ANK2: variants seen among roughly 807,000 people sequenced by gnomAD.
The protein encoded by ANK2 is ankyrin-2.
ANK2 carries 83 observed loss-of-function variants against 360.5 expected under a neutral mutation model. The observed-to-expected ratio is 0.23, with a 90% CI of 0.19 to 0.28. The LOEUF (loss-of-function observed/expected upper bound fraction) is 0.28, where lower values mean the gene tolerates loss of function less well. Ranked by LOEUF, ANK2 falls within the 10% of genes least tolerant of loss-of-function variation. The probability of loss-of-function intolerance (pLI) is 1.00; values close to 1 mark genes in which losing one functional copy is unlikely to be tolerated. For missense variants in ANK2, 4,201 were observed against 4,795.7 expected (o/e 0.88, Z 3.66); for synonymous variants, 1,740 against 1,759.5 (o/e 0.99, Z 0.28).
At chr4:112,934,139 G>C (rs2093519093) in intron 2 of ANK2, among the ~76,000 whole-genome samples, 1 of 152,070 alleles carries the variant, frequency 6.6e-6, no homozygotes, top group East Asian at 1.9e-4. Context: ...ACAGAATTGT[G>C]ACCAATTTAT....
chr4:113,341,638 C>A, intron 32 of ANK2, 50 bp from the exon 33 acceptor site: 2 of 1,580,072 alleles, frequency 1.3e-6, no homozygotes, highest in Non-Finnish European at 1.7e-6. Context: ...TTTTATTTTT[C>A]ACATGGTATA....
intron 2 of ANK2, among the ~76,000 whole-genome samples, chr4:112,969,853 TAGG>T (rs1260057286): frequency 1.3e-5 from 2 of 152,212 alleles, no homozygotes; most frequent in African/African-American, 4.8e-5. Flanking sequence ...CTGAGCTCTG[TAGG>T]AGTACTTTAG....
intron 1 of ANK2, among the ~76,000 whole-genome samples, chr4:113,126,555 G>T (rs1582374192): frequency 6.6e-6 from 1 of 152,134 alleles, no homozygotes; most frequent in African/African-American, 2.4e-5. Flanking sequence ...TTCGTTCAGG[G>T]TGGTCACCTA....
At chr4:113,318,308 A>G (rs2084028976) in intron 25 of ANK2, among the ~76,000 whole-genome samples, 2 of 152,242 alleles carry the variant, frequency 1.3e-5, no homozygotes, top group Non-Finnish European at 2.9e-5. Context: ...CAATTACACG[A>G]ATGTAATCTT....
At chr4:113,140,623 T>A (rs2154384323) in intron 1 of ANK2, among the ~76,000 whole-genome samples, 1 of 152,314 alleles carries the variant, frequency 6.6e-6, no homozygotes, top group East Asian at 1.9e-4. Context: ...GATTTGCCAC[T>A]TTAAAGACTC....
chr4:112,892,110 C>A (rs2080205404), intron 1 of ANK2, among the ~76,000 whole-genome samples: 1 of 151,970 alleles, frequency 6.6e-6, no homozygotes, highest in Admixed American at 6.6e-5. Context: ...CCTGATGATC[C>A]TGGGAGGGCT....
At chr4:112,876,040 C>A (rs1287640333) in intron 1 of ANK2, among the ~76,000 whole-genome samples, 2 of 151,866 alleles carry the variant, frequency 1.3e-5, no homozygotes, top group Non-Finnish European at 2.9e-5. Context: ...TAGATGTGAG[C>A]CACCACGTGT....
intron 17 of ANK2, among the ~76,000 whole-genome samples, chr4:113,281,050 C>T (rs2062129596): frequency 6.6e-6 from 1 of 152,092 alleles, no homozygotes; most frequent in South Asian, 2.1e-4. Flanking sequence ...CCTTCAGTTG[C>T]TTCAGGAGAA....
chr4:113,306,231 T>G (rs1341611093), intron 23 of ANK2, among the ~76,000 whole-genome samples: 1 of 152,154 alleles, frequency 6.6e-6, no homozygotes, highest in Admixed American at 6.5e-5. Context: ...CTTGGGGAGA[T>G]CAGGAGCTAG....
intron 13 of ANK2, among the ~76,000 whole-genome samples, chr4:113,262,830 T>C (rs188845708): frequency 2.8e-4 from 42 of 151,986 alleles, no homozygotes; most frequent in African/African-American, 9.7e-4. Flanking sequence ...TATTTTGGTA[T>C]TGGTGGGGGA....
intron 1 of ANK2, among the ~76,000 whole-genome samples, chr4:113,075,474 A>T (rs991108285): frequency 7.2e-5 from 11 of 152,068 alleles, no homozygotes; most frequent in African/African-American, 2.7e-4. Flanking sequence ...AGATGTCCTC[A>T]ACATCACCTC....
At chr4:113,181,974 T>C (rs1315043332) in intron 2 of ANK2, among the ~76,000 whole-genome samples, 2 of 137,340 alleles carry the variant, frequency 1.5e-5, no homozygotes, top group Non-Finnish European at 1.6e-5. Context: ...CGAGTCTTAA[T>C]AGTAAGGCTC....
At chr4:113,362,914 C>T (rs965972437) in intron 39 of ANK2, among the ~76,000 whole-genome samples, 1 of 152,112 alleles carries the variant, frequency 6.6e-6, no homozygotes, top group Non-Finnish European at 1.5e-5. Flanking sequence ...ATCAAAGTAT[C>T]CAGAAACAGG....
At position 113,363,389 on chromosome 4, in the gene ANK2, T is replaced by C. The variant is rs2154047463; in HGVS notation, c.10808T>C (p.Ile3603Thr). 2.5e-6 allele frequency: 4 copies of C among 1,613,498 alleles called. No homozygotes were observed. The highest frequency in any genetic ancestry group is 2.2e-5 in the East Asian group (1 of 44,848). Residue 3603 changes from isoleucine (I) to threonine (T), a missense_variant, in exon 40 of 46, where the codon ATT becomes ACT. Transcript: ENST00000357077. ...GAGGAGCAAATTCATCAAATTCGAA[T>C]TGAAAATCCCAACTCTCTTCAAGAC... ...FTEEQIHQIR[I>T]ENPNSLQDQS...
chr4:113,344,417 G>A (rs540834084), intron 34 of ANK2, among the ~76,000 whole-genome samples: 4 of 152,168 alleles, frequency 2.6e-5, no homozygotes, highest in African/African-American at 9.7e-5. Flanking sequence ...GGATGTGGAC[G>A]AATTGGGGCC....
At chr4:112,995,964 A>G (rs955795203) in intron 2 of ANK2, among the ~76,000 whole-genome samples, 3 of 152,214 alleles carry the variant, frequency 2.0e-5, no homozygotes, top group Non-Finnish European at 2.9e-5. Context: ...TGTGCATACC[A>G]TGCCTAGCTC....
the ANK2 span, among the ~76,000 whole-genome samples, chr4:112,771,340 AC>A: frequency 0.14 from 21,167 of 151,832 alleles, 2,214 homozygotes; most frequent in East Asian, 0.49. Context: ...CTGGTCTCGA[AC>A]CCCCGATCTC....
chr4:113,273,733 G>A (rs2059301897), intron 14 of ANK2, among the ~76,000 whole-genome samples: 1 of 152,170 alleles, frequency 6.6e-6, no homozygotes, highest in African/African-American at 2.4e-5. Context: ...TCAGAGTCAG[G>A]TGATTTTCCT....
At chr4:113,127,260 A>C (rs1471066799) in intron 1 of ANK2, among the ~76,000 whole-genome samples, 1 of 152,102 alleles carries the variant, frequency 6.6e-6, no homozygotes, top group Non-Finnish European at 1.5e-5. Flanking sequence ...AGGGTATTGC[A>C]GTCCCTTGGA....
Sources: gnomAD v4.1 joint callset for allele counts (sites outside exome capture counted in the v4.1 genomes callset) on GRCh38, gnomAD v4.1.1 for gene constraint, MANE v1.5 for transcripts, NCBI Gene and HGNC (gene_info 2026-07-23, HGNC 2026-07-21) for gene names.